The following BLTP3B variants were observed in gnomAD, a reference collection of about 807,000 sequenced individuals.
The protein encoded by BLTP3B is bridge-like lipid transfer protein family member 3B, also known as UHRF1 (ICBP90) binding protein 1-like.
At chr12:100,138,827 G>T in the BLTP3B span, among the ~76,000 whole-genome samples, 624 of 152,060 alleles carry the variant, frequency 4.1e-3, 8 homozygotes, top group African/African-American at 0.014. Context: ...ATTTGCAAGC[G>T]CCTGTTCACA....
At chr12:100,116,348 G>A in the BLTP3B span, among the ~76,000 whole-genome samples, 2 of 148,896 alleles carry the variant, frequency 1.3e-5, no homozygotes, top group Non-Finnish European at 3.0e-5. Flanking sequence ...AAGTTACTCA[G>A]AAGGCTGAGG....
At chr12:100,070,586 TAAA>T in the BLTP3B span, among the ~76,000 whole-genome samples, 1 of 152,128 alleles carries the variant, frequency 6.6e-6, no homozygotes, top group Non-Finnish European at 1.5e-5. Flanking sequence ...AAACTAGGAA[TAAA>T]GCAATAAAAC....
At chr12:100,050,892 T>A in the BLTP3B span, among the ~76,000 whole-genome samples, 1 of 151,818 alleles carries the variant, frequency 6.6e-6, no homozygotes, top group East Asian at 1.9e-4. Context: ...TAAAACAAAT[T>A]TAGAAAAGTA....
At chr12:100,142,814 C>T in the BLTP3B span, 1 of 864,552 alleles carries the variant, frequency 1.2e-6, no homozygotes, top group Non-Finnish European at 1.7e-6. Context: ...CGGAGCATCA[C>T]GCTCAGGCCG....
the BLTP3B span, among the ~76,000 whole-genome samples, chr12:100,063,831 AT>A: frequency 1.3e-5 from 2 of 152,178 alleles, no homozygotes; most frequent in African/African-American, 4.8e-5. Context: ...GCCTACCCAA[AT>A]GAGAAAGAAC....
chr12:100,053,223 G>A, the BLTP3B span, among the ~76,000 whole-genome samples: 348 of 151,964 alleles, frequency 2.3e-3, 3 homozygotes, highest in African/African-American at 8.0e-3. Flanking sequence ...TGGCCAACAT[G>A]GTAAAACCCC....
At chr12:100,130,978 G>GAGAGAGA in the BLTP3B span, among the ~76,000 whole-genome samples, 1 of 31,130 alleles carries the variant, frequency 3.2e-5, no homozygotes, top group Non-Finnish European at 7.7e-5. Flanking sequence ...AGAGAGAGAG[G>GAGAGAGA]GAGGGAGAGA....
the BLTP3B span, chr12:100,047,574 T>C: frequency 9.9e-6 from 16 of 1,613,458 alleles, no homozygotes; most frequent in African/African-American, 2.0e-4. Context: ...TACCACAAGA[T>C]GATCAATATG....
At chr12:100,101,384 T>C in the BLTP3B span, among the ~76,000 whole-genome samples, 1 of 152,326 alleles carries the variant, frequency 6.6e-6, no homozygotes, top group African/African-American at 2.4e-5. Context: ...TGAGTGTGTG[T>C]CTGTGTACAC....
chr12:100,059,613 A>T, the BLTP3B span: 3 of 1,431,072 alleles, frequency 2.1e-6, no homozygotes, highest in Non-Finnish European at 1.8e-6. Flanking sequence ...CTTAGCTCAG[A>T]AATTCTTTTT....
chr12:100,091,226 G>A, the BLTP3B span, among the ~76,000 whole-genome samples: 74 of 122,688 alleles, frequency 6.0e-4, no homozygotes, highest in East Asian at 0.017. Flanking sequence ...GTCTCACTCT[G>A]TCACCCAGGC....
chr12:100,138,353 T>C, the BLTP3B span, among the ~76,000 whole-genome samples: 1 of 152,216 alleles, frequency 6.6e-6, no homozygotes, highest in East Asian at 1.9e-4. Context: ...GCAAAACAAC[T>C]TTACTAGCAC....
At chr12:100,050,941 GAAC>G in the BLTP3B span, 1 of 1,226,520 alleles carries the variant, frequency 8.2e-7, no homozygotes, top group Non-Finnish European at 1.1e-6. Flanking sequence ...GCATTTTCAA[GAAC>G]AAAAGCTGCA....
At chr12:100,040,267 A>C in the BLTP3B span, among the ~76,000 whole-genome samples, 5 of 152,214 alleles carry the variant, frequency 3.3e-5, no homozygotes, top group Non-Finnish European at 7.3e-5. Context: ...ACAGTGGCTC[A>C]TGTCTGTAAT....
chr12:100,054,358 G>A, the BLTP3B span, among the ~76,000 whole-genome samples: 7 of 152,022 alleles, frequency 4.6e-5, no homozygotes, highest in African/African-American at 1.7e-4. Flanking sequence ...AATAACAGTT[G>A]ATATATTGTG....
the BLTP3B span, among the ~76,000 whole-genome samples, chr12:100,061,434 G>A: frequency 6.6e-6 from 1 of 152,104 alleles, no homozygotes; most frequent in South Asian, 2.1e-4. Flanking sequence ...GAGGCGGGTG[G>A]ATCACGAGGT....
chr12:100,086,413 A>G, the BLTP3B span: 1 of 1,239,720 alleles, frequency 8.1e-7, no homozygotes, highest in Non-Finnish European at 1.1e-6. Flanking sequence ...AGAAAGATTT[A>G]ATTTACCACA....
the BLTP3B span, chr12:100,083,181 A>C: frequency 7.3e-7 from 1 of 1,367,634 alleles, no homozygotes. Context: ...AATTATTTTT[A>C]ACAGTCACTC....
At chr12:100,042,047 C>T in the BLTP3B span, among the ~76,000 whole-genome samples, 1 of 151,996 alleles carries the variant, frequency 6.6e-6, no homozygotes, top group Non-Finnish European at 1.5e-5. Flanking sequence ...ATAAACTTAA[C>T]AAAAGAAGCA....
Sources: allele counts gnomAD v4.1 joint callset (sites outside exome capture counted in the v4.1 genomes callset), GRCh38; gene constraint gnomAD v4.1.1; transcripts MANE v1.5; gene names NCBI Gene and HGNC (gene_info 2026-07-23, HGNC 2026-07-21).